ST3GAL5: variants seen among roughly 807,000 people sequenced by gnomAD.
ST3GAL5 encodes the protein lactosylceramide alpha-2,3-sialyltransferase.
A neutral mutation model predicts 46.1 loss-of-function variants in ST3GAL5; 25 were observed. That is an observed-to-expected ratio of 0.54 (90% CI 0.40 to 0.76). The LOEUF is 0.76. Among genes scored for constraint, ST3GAL5 ranks in the 30% least tolerant of loss-of-function variants. ST3GAL5 has a pLI of 0.00. For synonymous variants in ST3GAL5, 182 were observed against 192.7 expected, an observed-to-expected ratio of 0.94 and a Z score of 0.46; for missense variants, 431 against 521.2, an observed-to-expected ratio of 0.83 and a Z score of 1.69.
chr2:85,848,650 A>G (rs1683116608), intron 3 of ST3GAL5: 1 of 304,868 alleles, frequency 3.3e-6, no homozygotes, highest in Non-Finnish European at 6.4e-6. Context: ...TGAGGTATCT[A>G]AAGTAGTCAA....
chr2:85,847,290 G>T, intron 4 of ST3GAL5: 1 of 847,878 alleles, frequency 1.2e-6, no homozygotes, highest in Non-Finnish European at 1.4e-6. Context: ...TCCTCTTCTT[G>T]CCCCTGTCTG....
chr2:85,870,866 A>T (rs1337606654), intron 1 of ST3GAL5, among the ~76,000 whole-genome samples: 1 of 151,876 alleles, frequency 6.6e-6, no homozygotes, highest in Non-Finnish European at 1.5e-5. Context: ...CAGTAGAGAC[A>T]GGGTTTCACC....
intron 1 of ST3GAL5, among the ~76,000 whole-genome samples, chr2:85,882,889 T>C (rs997800832): frequency 2.6e-5 from 4 of 151,836 alleles, no homozygotes; most frequent in African/African-American, 9.7e-5. Context: ...ATGGTGCCTG[T>C]AGCCCCTTTG....
At chr2:85,862,849 A>G (rs1684873299) in intron 2 of ST3GAL5, among the ~76,000 whole-genome samples, 1 of 152,212 alleles carries the variant, frequency 6.6e-6, no homozygotes, top group African/African-American at 2.4e-5. Context: ...ATTTTCAACT[A>G]GGTTTGACTG....
At chr2:85,867,763 C>T (rs1685444333) in intron 1 of ST3GAL5, 2 of 714,160 alleles carry the variant, frequency 2.8e-6, no homozygotes, top group East Asian at 2.7e-5. Flanking sequence ...AAGAATTTGC[C>T]GAAGGGCAGG....
chr2:85,873,224 GACC>G (rs1313098532), intron 1 of ST3GAL5, among the ~76,000 whole-genome samples: 1 of 152,108 alleles, frequency 6.6e-6, no homozygotes, highest in Non-Finnish European at 1.5e-5. Flanking sequence ...CTGGAGATGG[GACC>G]ACCGTGAGAG....
Position 85,840,049 on chromosome 2 carries a change from T to TTC in ST3GAL5, c.*93_*94dup. On this transcript the variant is annotated 3_prime_UTR_variant, in exon 7 of 7. Coordinates refer to ENST00000638572, the MANE Select transcript of ST3GAL5 (RefSeq NM_003896.4). The stretch of plus-strand genomic sequence containing the variant: ...TAAAAGTTAAAAACATGAGCTGCAC[T>TTC]TCAAAGTATCTGCAGGATGGAGAAA... 6.3e-7 allele frequency: 1 copy of TTC among 1,584,738 alleles called. No homozygotes were observed. The highest frequency in any genetic ancestry group is 8.6e-7 in the Non-Finnish European group (1 of 1,156,826).
chr2:85,850,429 G>A (rs952021734), intron 3 of ST3GAL5: 4 of 152,286 alleles, frequency 2.6e-5, no homozygotes, highest in Non-Finnish European at 2.9e-5. Flanking sequence ...ATCTTCATGA[G>A]GAAATCAGCA....
intron 6 of ST3GAL5, among the ~76,000 whole-genome samples, chr2:85,843,348 C>T (rs908396018): frequency 3.9e-5 from 6 of 152,074 alleles, no homozygotes; most frequent in East Asian, 1.9e-4. Context: ...CCAAAATATC[C>T]TCCAGAAAAA....
chr2:85,887,428 C>G (rs1048209778), intron 1 of ST3GAL5: 1 of 152,150 alleles, frequency 6.6e-6, no homozygotes, highest in Non-Finnish European at 1.5e-5. Context: ...CTCGCCTAGA[C>G]GAAGAAATGC....
intron 1 of ST3GAL5, among the ~76,000 whole-genome samples, chr2:85,883,917 A>G (rs1425924998): frequency 6.6e-6 from 1 of 152,152 alleles, no homozygotes; most frequent in African/African-American, 2.4e-5. Context: ...ACTGCCCAGG[A>G]GCCCACTCAC....
intron 1 of ST3GAL5, among the ~76,000 whole-genome samples, chr2:85,873,766 G>A (rs1048660979): frequency 6.6e-6 from 1 of 152,134 alleles, no homozygotes; most frequent in Non-Finnish European, 1.5e-5. Context: ...ACCTTAGCTG[G>A]AGCATCAGGA....
At chr2:85,856,034 G>T (rs1684066179) in intron 3 of ST3GAL5, 1 of 152,174 alleles carries the variant, frequency 6.6e-6, no homozygotes. Context: ...AAAACAGCTT[G>T]GCAGTTCCTC....
At chr2:85,862,137 G>T (rs531445888) in intron 2 of ST3GAL5, among the ~76,000 whole-genome samples, 1 of 151,996 alleles carries the variant, frequency 6.6e-6, no homozygotes, top group Admixed American at 6.5e-5. Context: ...AGTGTTGCTG[G>T]GAGTGTTTTA....
Position 85,840,448 on chromosome 2 carries a change from A to G in ST3GAL5, c.1009-56T>C, listed in dbSNP as rs1160105855. The G allele has an allele frequency of 1.0e-5, 16 of 1,596,022 alleles. No individual in the cohort carries two copies. The South Asian group carries it at 1.8e-4, about 18-fold the overall frequency. ...AAAAAAAATTTTGGCACAAGTCACC[A>G]TTTTGCTGGTATTACACATGCTACG... is the stretch of plus-strand genomic sequence containing the variant. On this transcript the variant is annotated intron_variant, in intron 6 of 6. Coordinates refer to ENST00000638572, the MANE Select transcript of ST3GAL5 (RefSeq NM_003896.4).
chr2:85,858,613 C>A (rs1431516027), intron 3 of ST3GAL5, among the ~76,000 whole-genome samples: 1 of 152,106 alleles, frequency 6.6e-6, no homozygotes, highest in East Asian at 1.9e-4. Flanking sequence ...CCGGTCAGAC[C>A]CCTGACTTTC....
chr2:85,865,024 T>C (rs1573659035), intron 1 of ST3GAL5, among the ~76,000 whole-genome samples: 1 of 152,176 alleles, frequency 6.6e-6, no homozygotes, highest in African/African-American at 2.4e-5. Context: ...TACTCAAGGA[T>C]GGTGGAACAA....
chr2:85,882,985 A>C (rs1687340192), intron 1 of ST3GAL5, among the ~76,000 whole-genome samples: 1 of 152,208 alleles, frequency 6.6e-6, no homozygotes, highest in Non-Finnish European at 1.5e-5. Context: ...TTATAGGCCC[A>C]TAGGCAGAAG....
chr2:85,884,950 CAT>C (rs927759350), intron 1 of ST3GAL5, among the ~76,000 whole-genome samples: 6 of 152,326 alleles, frequency 3.9e-5, no homozygotes, highest in South Asian at 2.1e-4. Flanking sequence ...TATCCTATCA[CAT>C]GATACTTAAC....
Sources: allele counts gnomAD v4.1 joint callset (sites outside exome capture counted in the v4.1 genomes callset), GRCh38; gene constraint gnomAD v4.1.1; transcripts MANE v1.5; gene names NCBI Gene and HGNC (gene_info 2026-07-23, HGNC 2026-07-21).